The following CEP112 variants were observed in gnomAD, a reference collection of about 807,000 sequenced individuals.
The protein encoded by CEP112 is centrosomal protein 112, also known as centrosomal protein of 112 kDa.
CEP112 carries 127 observed loss-of-function variants against 153.0 expected under a neutral mutation model. That is an observed-to-expected ratio of 0.83 (90% CI 0.72 to 0.96). The LOEUF (loss-of-function observed/expected upper bound fraction) is 0.96. Among genes scored for constraint, CEP112 ranks in the 40% least tolerant of loss-of-function variants. The probability of loss-of-function intolerance (pLI) is 0.00; values close to 1 mark genes in which losing one functional copy is unlikely to be tolerated. For synonymous variants in CEP112, 358 were observed against 374.4 expected (o/e 0.96, Z 0.51); for missense variants, 1,089 against 1,101.2 (o/e 0.99, Z 0.16).
At chr17:65,848,275 C>A (rs2057798456) in intron 21 of CEP112, among the ~76,000 whole-genome samples, 1 of 152,184 alleles carries the variant, frequency 6.6e-6, no homozygotes, top group African/African-American at 2.4e-5. Context: ...AACCCTGTTT[C>A]TGGGCACACA....
At chr17:65,703,447 G>T (rs752055743) in intron 23 of CEP112, among the ~76,000 whole-genome samples, 2 of 149,984 alleles carry the variant, frequency 1.3e-5, no homozygotes, top group Non-Finnish European at 3.0e-5. Context: ...GGAGGTGAAG[G>T]TTGCAGTGAG....
intron 17 of CEP112, among the ~76,000 whole-genome samples, chr17:65,970,906 A>T (rs887830908): frequency 1.2e-5 from 1 of 84,712 alleles, no homozygotes; most frequent in Non-Finnish European, 2.6e-5. Flanking sequence ...TGTGCATTGC[A>T]TGTATGTTGC....
intron 6 of CEP112, among the ~76,000 whole-genome samples, chr17:66,110,426 A>C (rs965704908): frequency 1.3e-5 from 2 of 152,122 alleles, no homozygotes; most frequent in African/African-American, 4.8e-5. Context: ...AAATTGGCAG[A>C]AAGAAACTCA....
chr17:65,708,228 C>T (rs2049010609), intron 23 of CEP112, among the ~76,000 whole-genome samples: 1 of 151,974 alleles, frequency 6.6e-6, no homozygotes, highest in African/African-American at 2.4e-5. Flanking sequence ...AATTAATTCT[C>T]AAAAATTCTA....
intron 23 of CEP112, among the ~76,000 whole-genome samples, chr17:65,735,026 A>G (rs915464677): frequency 6.6e-6 from 1 of 152,168 alleles, no homozygotes; most frequent in Non-Finnish European, 1.5e-5. Flanking sequence ...ATGTTGATAC[A>G]CTTCATTCTC....
At chr17:65,654,068 A>AAAAAAAAAAAAAAG (rs1389810807) in intron 24 of CEP112, among the ~76,000 whole-genome samples, 18 of 150,070 alleles carry the variant, frequency 1.2e-4, no homozygotes, top group African/African-American at 4.4e-4. Flanking sequence ...AAAAAAAAAA[A>AAAAAAAAAAAAAAG]AAAAAAAAAA....
At chr17:65,870,069 G>GAAAGAAAGAAAGAAAGAAAGA (rs1555689570) in intron 20 of CEP112, among the ~76,000 whole-genome samples, 17 of 143,046 alleles carry the variant, frequency 1.2e-4, no homozygotes, top group East Asian at 2.0e-4. Context: ...AAGAAAGAAA[G>GAAAGAAAGAAAGAAAGAAAGA]AAAGAAAGAA....
intron 16 of CEP112, among the ~76,000 whole-genome samples, chr17:66,017,061 A>G (rs866337749): frequency 6.6e-6 from 1 of 152,226 alleles, no homozygotes; most frequent in Non-Finnish European, 1.5e-5. Flanking sequence ...ATAATAAATG[A>G]TCAGTATATG....
chr17:66,033,437 G>A (rs931162095), intron 12 of CEP112, among the ~76,000 whole-genome samples: 4 of 152,134 alleles, frequency 2.6e-5, no homozygotes, highest in Non-Finnish European at 4.4e-5. Context: ...CTCAGAATAA[G>A]AAGAGACTAT....
intron 19 of CEP112, among the ~76,000 whole-genome samples, chr17:65,905,369 A>C (rs984101391): frequency 6.6e-5 from 10 of 152,256 alleles, no homozygotes; most frequent in Admixed American, 5.9e-4. Flanking sequence ...ATCACTGGTC[A>C]TTAGAGAAAT....
chr17:66,188,245 G>A (rs1598527260), intron 1 of CEP112, among the ~76,000 whole-genome samples: 1 of 149,720 alleles, frequency 6.7e-6, no homozygotes, highest in Non-Finnish European at 1.5e-5. Flanking sequence ...AGGCATACAA[G>A]TACCTTTGCA....
chr17:65,756,499 G>C (rs1165733866), intron 21 of CEP112, among the ~76,000 whole-genome samples: 1 of 150,210 alleles, frequency 6.7e-6, no homozygotes, highest in Non-Finnish European at 1.5e-5. Flanking sequence ...ACTCAGTTGT[G>C]TCAAATGCTA....
intron 21 of CEP112, among the ~76,000 whole-genome samples, chr17:65,799,040 T>C (rs1335068366): frequency 6.6e-6 from 1 of 152,226 alleles, no homozygotes; most frequent in Non-Finnish European, 1.5e-5. Context: ...ACACATATTT[T>C]ACCCTAAATT....
At chr17:66,156,478 C>G (rs974042313) in intron 4 of CEP112, among the ~76,000 whole-genome samples, 2 of 152,114 alleles carry the variant, frequency 1.3e-5, no homozygotes, top group African/African-American at 4.8e-5. Context: ...CTCTTCTCCT[C>G]CAAAGGATCA....
At chr17:65,917,590 T>C (rs1196180020) in intron 19 of CEP112, among the ~76,000 whole-genome samples, 2 of 152,142 alleles carry the variant, frequency 1.3e-5, no homozygotes, top group Non-Finnish European at 2.9e-5. Context: ...TCCTCCAGTC[T>C]CAGCAAATGA....
In CEP112 at chr17:65,896,542, A is replaced by G. The variant is rs541872188; in HGVS notation, c.2163+5610T>C. On this transcript the variant is annotated intron_variant, in intron 20 of 26. Transcript: ENST00000535342. ...TTTACTTATTAATTTGTATAGTAAT[A>G]TATAAATAATGCAAATTTATTATTA... is the stretch of plus-strand genomic sequence containing the variant. 1.8e-3 allele frequency among the ~76,000 whole-genome samples: 267 copies of G among 152,178 alleles called. 1 individual carries two copies. The highest frequency in any genetic ancestry group is 6.2e-3 in the African/African-American group (256 of 41,542).
At chr17:65,967,627 T>C (rs749262373) in intron 17 of CEP112, among the ~76,000 whole-genome samples, 3 of 152,142 alleles carry the variant, frequency 2.0e-5, no homozygotes, top group Non-Finnish European at 4.4e-5. Flanking sequence ...ACAAAGAACG[T>C]AACAATGAAG....
chr17:65,764,793 T>C (rs900011828), intron 21 of CEP112, among the ~76,000 whole-genome samples: 1 of 150,220 alleles, frequency 6.7e-6, no homozygotes, highest in African/African-American at 2.5e-5. Flanking sequence ...TTACTACTGC[T>C]ATGCTGTTTA....
At chr17:65,818,319 C>G (rs769536801) in intron 21 of CEP112, among the ~76,000 whole-genome samples, 1 of 151,806 alleles carries the variant, frequency 6.6e-6, no homozygotes, top group Non-Finnish European at 1.5e-5. Context: ...GTTAAAATAA[C>G]AAAGCCCTCG....
Sources: gnomAD v4.1 joint callset for allele counts (sites outside exome capture counted in the v4.1 genomes callset) on GRCh38, gnomAD v4.1.1 for gene constraint, MANE v1.5 for transcripts, NCBI Gene and HGNC (gene_info 2026-07-23, HGNC 2026-07-21) for gene names.